Variants in SHTN1 observed in about 807,000 individuals in gnomAD.
SHTN1 encodes the protein shootin-1.
A neutral mutation model predicts 83.1 loss-of-function variants in SHTN1; 42 were observed. The ratio of observed to expected loss-of-function variants is 0.51; its 90% confidence interval spans 0.39 to 0.65. The LOEUF (loss-of-function observed/expected upper bound fraction) is 0.65. SHTN1 is among the 30% of genes least tolerant of loss of function. The pLI is 0.00. For synonymous variants in SHTN1, 224 were observed against 247.7 expected, an observed-to-expected ratio of 0.90 and a Z score of 0.90; for missense variants, 622 against 737.8, an observed-to-expected ratio of 0.84 and a Z score of 1.82.
At chr10:116,922,287 T>C (rs1187610926) in intron 11 of SHTN1, among the ~76,000 whole-genome samples, 2 of 151,966 alleles carry the variant, frequency 1.3e-5, no homozygotes, top group Non-Finnish European at 2.9e-5. Flanking sequence ...ATTCATCAAA[T>C]AGACAAAAAA....
rs376970411 is a variant in SHTN1, at chr10:116,954,222, T to C, written c.268-12A>G. The C allele has an allele frequency of 6.6e-5, 103 of 1,558,828 alleles. No individual in the cohort carries two copies. The highest frequency in any genetic ancestry group is 8.2e-5 in the Non-Finnish European group (94 of 1,148,472). ...TTTTCTTTATTTAGCTAAGACAAAA[T>C]ATAAAAACAGTTATTTTAAAAGCAG... On this transcript the variant is annotated splice_polypyrimidine_tract_variant and intron_variant, in intron 4 of 16. Coordinates refer to ENST00000355371, the MANE Select transcript of SHTN1 (RefSeq NM_001127211.3).
chr10:116,989,489 G>T (rs1564917472), intron 1 of SHTN1, among the ~76,000 whole-genome samples: 1 of 152,182 alleles, frequency 6.6e-6, no homozygotes, highest in Non-Finnish European at 1.5e-5. Flanking sequence ...TACCTTTCCT[G>T]TTTGCCTAAA....
intron 6 of SHTN1, among the ~76,000 whole-genome samples, 197 bp downstream of exon 6, chr10:116,951,712 T>C (rs1589836348): frequency 6.6e-6 from 1 of 152,254 alleles, no homozygotes; most frequent in East Asian, 1.9e-4. Flanking sequence ...TTTATTAAGC[T>C]AGCTAGTGGG....
chr10:117,099,130 G>GA (rs1853552181), intron 1 of SHTN1, among the ~76,000 whole-genome samples: 2 of 151,554 alleles, frequency 1.3e-5, no homozygotes, highest in Non-Finnish European at 1.5e-5. Flanking sequence ...CTCAGGAATG[G>GA]AAAAAAATAC....
At chr10:117,057,345 C>A (rs1852838231) in intron 1 of SHTN1, among the ~76,000 whole-genome samples, 1 of 152,162 alleles carries the variant, frequency 6.6e-6, no homozygotes, top group African/African-American at 2.4e-5. Context: ...ATTCCAGGAG[C>A]AGCTTGCAGT....
intron 16 of SHTN1, among the ~76,000 whole-genome samples, chr10:116,896,009 A>G (rs1847504629): frequency 1.3e-5 from 2 of 152,222 alleles, no homozygotes; most frequent in Admixed American, 6.5e-5. Flanking sequence ...CATTACCGAT[A>G]GCCTCCATCT....
At chr10:117,110,627 C>T in intron 1 of SHTN1, among the ~76,000 whole-genome samples, 1 of 151,924 alleles carries the variant, frequency 6.6e-6, no homozygotes, top group East Asian at 1.9e-4. Flanking sequence ...TCCCAAAGTG[C>T]TAGGATTACA....
At chr10:116,983,245 G>T (rs1405138130) in intron 1 of SHTN1, among the ~76,000 whole-genome samples, 1 of 152,110 alleles carries the variant, frequency 6.6e-6, no homozygotes, top group Non-Finnish European at 1.5e-5. Flanking sequence ...TTGTTATTAA[G>T]AGTAAATGAG....
intron 11 of SHTN1, among the ~76,000 whole-genome samples, chr10:116,924,746 ATTTTTTTTT>A (rs201343735): frequency 3.4e-5 from 3 of 89,544 alleles, no homozygotes; most frequent in East Asian, 2.9e-4. Context: ...ATTTTCACCT[ATTTTTTTTT>A]TTTTTTTTTT....
intron 1 of SHTN1, 70 bp from the exon 2 acceptor site, chr10:116,979,378 A>G: frequency 8.2e-7 from 1 of 1,224,608 alleles, no homozygotes; most frequent in South Asian, 1.2e-5. Flanking sequence ...TGGGGAATCC[A>G]ACTAACCCCC....
At position 116,921,432 on chromosome 10, in the gene SHTN1, A is replaced by T. The variant is rs1195888751; in HGVS notation, c.1195+2T>A. 6.2e-7 allele frequency: 1 copy of T among 1,610,048 alleles called. No individual in the cohort carries two copies. Among genetic ancestry groups the T allele is most frequent in the East Asian group, 2.2e-5 (1 of 44,816 alleles). On this transcript the variant is annotated splice_donor_variant, in intron 12 of 16. Coordinates refer to ENST00000355371, the MANE Select transcript of SHTN1 (RefSeq NM_001127211.3). LOFTEE classifies it high-confidence loss of function. Reference sequence around the variant, plus strand: ...ACTTACACCAATAGAAGTGATGCTTACTTGTTTCTGGTTGAGTTGCCTTTT... The same window carrying T: ...ACTTACACCAATAGAAGTGATGCTTTCTTGTTTCTGGTTGAGTTGCCTTTT...
intron 2 of SHTN1, among the ~76,000 whole-genome samples, chr10:117,028,125 C>T (rs1034863098): frequency 9.2e-5 from 14 of 152,156 alleles, no homozygotes; most frequent in Admixed American, 3.3e-4. Flanking sequence ...TAGCAAAGAA[C>T]TTGGCTACAT....
chr10:117,064,334 A>G (rs1159456619), intron 1 of SHTN1, among the ~76,000 whole-genome samples: 2 of 152,206 alleles, frequency 1.3e-5, no homozygotes, highest in African/African-American at 4.8e-5. Context: ...ACTCTCAGAC[A>G]CATTGGCTGT....
chr10:116,950,175 T>C (rs1299606458), intron 6 of SHTN1, among the ~76,000 whole-genome samples: 1 of 152,056 alleles, frequency 6.6e-6, no homozygotes, highest in Non-Finnish European at 1.5e-5. Context: ...TTAAAAATAA[T>C]TTTTTTAGAG....
chr10:116,940,470 T>C lies in SHTN1; in HGVS notation c.854A>G (p.Gln285Arg), dbSNP rs2133396468. The change falls in exon 9 of 17, where the codon CAA (glutamine) becomes CGA (arginine). Residue 285 changes from glutamine (Q) to arginine (R), a missense_variant. By Grantham distance (43) the Gln-to-Arg change is conservative. Coordinates refer to ENST00000355371, the MANE Select transcript of SHTN1 (RefSeq NM_001127211.3). ...QLEEERIQHQ[Q>R]KVKELEEQLE... ...TTCCAGAAGAAAATGGGTTACCTTT[T>C]GTTGATGCTGAATTCTCTCTTCTTC... The C allele has an allele frequency of 1.9e-6, 3 of 1,613,786 alleles. No homozygotes were observed. The East Asian group carries it at 6.7e-5, about 36-fold the overall frequency.
At chr10:116,936,485 G>A (rs1849167417) in intron 9 of SHTN1, among the ~76,000 whole-genome samples, 2 of 152,194 alleles carry the variant, frequency 1.3e-5, no homozygotes, top group Non-Finnish European at 2.9e-5. Flanking sequence ...AGTTTTGAGT[G>A]AGTTTCTTAA....
At chr10:116,925,754 C>A (rs896788897) in intron 11 of SHTN1, among the ~76,000 whole-genome samples, 2 of 152,186 alleles carry the variant, frequency 1.3e-5, no homozygotes, top group Non-Finnish European at 2.9e-5. Context: ...GGTTTGCCTT[C>A]TTCCTCTTTC....
intron 1 of SHTN1, among the ~76,000 whole-genome samples, chr10:117,090,159 C>A (rs2133619522): frequency 6.6e-6 from 1 of 152,236 alleles, no homozygotes; most frequent in Admixed American, 6.5e-5. Flanking sequence ...AAAGAAGCAA[C>A]CCAAATGTCC....
rs1287360401 is a variant in SHTN1 at position 116,901,247 on chromosome 10, T to C, written c.1673+518A>G. 3.6e-5 allele frequency: 35 copies of C among 985,276 alleles called. No individual in the cohort carries two copies. In the East Asian group the frequency reaches 3.3e-3, roughly 93 times the overall value. 61.0% of individuals were successfully genotyped at this position (985,276 alleles called of 1,614,324 possible). A position where few individuals can be genotyped will look rare whatever the true frequency, so the allele number is the denominator to read the frequency against. On this transcript the variant is annotated intron_variant, in intron 16 of 16. Transcript: ENST00000355371. ...AATAGCAGGATTAACTCTTTGACAATCAAAGTGCCACTCTGAAGCAAGTCT... is the reference window on the plus strand; with the variant it reads ...AATAGCAGGATTAACTCTTTGACAACCAAAGTGCCACTCTGAAGCAAGTCT...
Sources: gnomAD v4.1 joint callset for allele counts (sites outside exome capture counted in the v4.1 genomes callset) on GRCh38, gnomAD v4.1.1 for gene constraint, MANE v1.5 for transcripts, NCBI Gene and HGNC (gene_info 2026-07-23, HGNC 2026-07-21) for gene names.